VPS13B: variants seen among roughly 807,000 people sequenced by gnomAD.
VPS13B encodes the protein vacuolar protein sorting 13 homolog B, also known as intermembrane lipid transfer protein VPS13B.
VPS13B carries 285 observed loss-of-function variants against 426.4 expected under a neutral mutation model. The observed-to-expected ratio is 0.67, with a 90% CI of 0.61 to 0.74. VPS13B has a LOEUF of 0.74. VPS13B is among the 30% of genes least tolerant of loss of function. The pLI is 0.00. For synonymous variants in VPS13B, 1,676 were observed against 1,676.4 expected (o/e 1.00, Z 0.01); for missense variants, 4,537 against 4,782.6 (o/e 0.95, Z 1.51).
At chr8:99,862,983 C>T (rs1045707077) in intron 58 of VPS13B, among the ~76,000 whole-genome samples, 1 of 152,140 alleles carries the variant, frequency 6.6e-6, no homozygotes, top group African/African-American at 2.4e-5. Flanking sequence ...AACTCAGTAA[C>T]CCAAAGGTGA....
At chr8:99,047,232 C>T (rs2132250641) in intron 3 of VPS13B, among the ~76,000 whole-genome samples, 1 of 152,168 alleles carries the variant, frequency 6.6e-6, no homozygotes, top group South Asian at 2.1e-4. Context: ...TCCAGGGTAT[C>T]AAATTCTTCC....
Position 99,859,400 on chromosome 8 carries a change from A to G in VPS13B, c.10964A>G (p.Glu3655Gly). Reference sequence around the variant, plus strand: ...GCCGACTTCTTCAGGCTTCCGTATGAGGGGCTGACCCGGGGCCCTGGAGCC... The same window carrying G: ...GCCGACTTCTTCAGGCTTCCGTATGGGGGGCTGACCCGGGGCCCTGGAGCC... ...GVADFFRLPY[E>G]GLTRGPGAFV... Residue 3655 changes from glutamate (E) to glycine (G), a missense_variant, in exon 57 of 62, where the codon GAG becomes GGG. Glu to Gly is a moderately conservative substitution (Grantham distance 98). This residue lies in a region of VPS13B where 4,311 missense variants were observed against 4,474.3 expected (regional missense o/e 0.96). Coordinates refer to ENST00000357162, the MANE Select transcript of VPS13B (RefSeq NM_152564.5). The G allele has an allele frequency of 6.2e-7, 1 of 1,614,052 alleles. No individual in the cohort carries two copies. Among genetic ancestry groups the G allele is most frequent in the Non-Finnish European group, 8.5e-7 (1 of 1,180,022 alleles).
intron 36 of VPS13B, among the ~76,000 whole-genome samples, chr8:99,701,551 A>C (rs909377690): frequency 2.0e-5 from 3 of 152,088 alleles, no homozygotes; most frequent in Non-Finnish European, 4.4e-5. Flanking sequence ...CTAGTTTTGG[A>C]ACTTGTTTTT....
At chr8:99,106,908 A>C (rs1012273548) in intron 5 of VPS13B, among the ~76,000 whole-genome samples, 2 of 152,050 alleles carry the variant, frequency 1.3e-5, no homozygotes, top group African/African-American at 2.4e-5. Context: ...TGAATAAAAC[A>C]TTTTTTTGCT....
intron 17 of VPS13B, among the ~76,000 whole-genome samples, chr8:99,237,192 C>G (rs369416554): frequency 1.3e-5 from 2 of 152,170 alleles, no homozygotes; most frequent in Non-Finnish European, 1.5e-5. Context: ...TGCTCAGTCT[C>G]GGGTATGTCT....
At chr8:99,375,475 A>G (rs905947141) in intron 19 of VPS13B, among the ~76,000 whole-genome samples, 6 of 152,172 alleles carry the variant, frequency 3.9e-5, no homozygotes, top group African/African-American at 9.7e-5. Flanking sequence ...TACCATACGC[A>G]CATACCATAC....
chr8:99,613,271 C>G (rs1052872375), intron 33 of VPS13B, among the ~76,000 whole-genome samples: 1 of 152,220 alleles, frequency 6.6e-6, no homozygotes, highest in African/African-American at 2.4e-5. Context: ...TTATGTATCT[C>G]AGCATTGCTG....
rs150129824 is a variant in VPS13B, at chr8:99,219,041, A to G, written c.2515+25984A>G. On this transcript the variant is annotated intron_variant, in intron 17 of 61. Transcript: ENST00000357162. ...CCTGGAATGGGCCCCTACTGTGGTCATCAGCATGAGTGACCCAGATTATCT... is the reference window on the plus strand; with the variant it reads ...CCTGGAATGGGCCCCTACTGTGGTCGTCAGCATGAGTGACCCAGATTATCT... Among the ~76,000 whole-genome samples the G allele has an allele frequency of 6.3e-3, 958 of 152,288 alleles. 7 individuals are homozygous for G. Among genetic ancestry groups the G allele is most frequent in the African/African-American group, 0.022 (899 of 41,556 alleles).
chr8:99,055,859 A>G (rs957651543), intron 3 of VPS13B, among the ~76,000 whole-genome samples: 5 of 149,940 alleles, frequency 3.3e-5, no homozygotes, highest in Non-Finnish European at 5.9e-5. Context: ...CTTCCCTAGT[A>G]GCTGGGACCA....
At chr8:99,679,142 C>CA (rs1831056617) in intron 35 of VPS13B, among the ~76,000 whole-genome samples, 1 of 152,120 alleles carries the variant, frequency 6.6e-6, no homozygotes. Context: ...CATTTCCATT[C>CA]ATGCTGATCT....
At chr8:99,394,828 T>G (rs1814642136) in intron 21 of VPS13B, among the ~76,000 whole-genome samples, 1 of 152,200 alleles carries the variant, frequency 6.6e-6, no homozygotes, top group Non-Finnish European at 1.5e-5. Flanking sequence ...CCTTTTAAAT[T>G]TAAGACACCT....
rs185322871 is a variant in VPS13B, at chr8:99,826,348, C to T, written c.9330+2370C>T. On this transcript the variant is annotated intron_variant, in intron 51 of 61. Transcript: ENST00000357162. ...TTTTTAGCAATTGTGAATGGGAGTT[C>T]ACTCATGATTTGGCTCTCTGTTTGT... Among the ~76,000 whole-genome samples, 531 of 152,268 alleles carry T rather than the reference C, an allele frequency of 3.5e-3. 2 individuals are homozygous for T. Among genetic ancestry groups the T allele is most frequent in the African/African-American group, 0.012 (480 of 41,552 alleles).
chr8:99,633,901 A>G (rs1284438448), intron 33 of VPS13B, among the ~76,000 whole-genome samples: 2 of 151,736 alleles, frequency 1.3e-5, no homozygotes, highest in Non-Finnish European at 2.9e-5. Flanking sequence ...AGAGCCTAGT[A>G]TAAATCAATT....
rs186733080 is a variant in VPS13B at position 99,238,865 on chromosome 8, T to C, written c.2516-35333T>C. On this transcript the variant is annotated intron_variant, in intron 17 of 61. Transcript: ENST00000357162. ...TTATTTCTTATTTATTTATATGTTA[T>C]ATGGTAAATCTTATATTTAGAATCT... Among the ~76,000 whole-genome samples the C allele has an allele frequency of 5.9e-5, 9 of 152,236 alleles. 1 individual carries two copies. In the East Asian group the frequency reaches 1.5e-3, roughly 26 times the overall value.
rs773270824 is a variant in VPS13B, at chr8:99,391,540, A to C, written c.2935-17A>C. 1 of 1,614,090 alleles carries C rather than the reference A, an allele frequency of 6.2e-7. No homozygotes were observed. The highest frequency in any genetic ancestry group is 1.1e-5 in the South Asian group (1 of 91,082). Reference sequence around the variant, plus strand: ...AAAACTAAAAACTAAAAAGGTTTTCATTTTGTCTCTTTCCAGCAGCCTGTG... The same window carrying C: ...AAAACTAAAAACTAAAAAGGTTTTCCTTTTGTCTCTTTCCAGCAGCCTGTG... On this transcript the variant is annotated splice_polypyrimidine_tract_variant and intron_variant, in intron 20 of 61. Transcript: ENST00000357162.
chr8:99,295,922 A>G (rs772859678), intron 19 of VPS13B, among the ~76,000 whole-genome samples: 1 of 152,146 alleles, frequency 6.6e-6, no homozygotes, highest in Non-Finnish European at 1.5e-5. Flanking sequence ...AGTCCCAGCT[A>G]CTTGGGAGGC....
intron 34 of VPS13B, among the ~76,000 whole-genome samples, chr8:99,647,671 C>T (rs928958501): frequency 4.0e-5 from 6 of 151,112 alleles, no homozygotes; most frequent in Non-Finnish European, 7.4e-5. Flanking sequence ...TTTTATTTAA[C>T]TAATAATTTA....
intron 34 of VPS13B, among the ~76,000 whole-genome samples, chr8:99,649,363 T>TA (rs1409866873): frequency 2.0e-5 from 3 of 152,194 alleles, no homozygotes; most frequent in Non-Finnish European, 2.9e-5. Flanking sequence ...ATTCAAGTGT[T>TA]AAGCTTTTTA....
At chr8:99,233,164 A>T (rs1588160228) in intron 17 of VPS13B, 1 of 1,402,364 alleles carries the variant, frequency 7.1e-7, no homozygotes. Context: ...GAAGTGCCCG[A>T]TAATTCTGAT....
Sources: gnomAD v4.1 joint callset for allele counts (sites outside exome capture counted in the v4.1 genomes callset) on GRCh38, gnomAD v4.1.1 for gene constraint, gnomAD v4.1.1 regional missense constraint, MANE v1.5 for transcripts, NCBI Gene and HGNC (gene_info 2026-07-23, HGNC 2026-07-21) for gene names.